STON2: variants seen among roughly 807,000 people sequenced by gnomAD.
STON2 encodes the protein stonin 2.
STON2 carries 29 observed loss-of-function variants against 65.7 expected under a neutral mutation model. The observed-to-expected ratio is 0.44, with a 90% CI of 0.33 to 0.60. The LOEUF (loss-of-function observed/expected upper bound fraction) is 0.60, where lower values mean the gene tolerates loss of function less well. STON2 is among the 20% of genes least tolerant of loss of function. The probability of loss-of-function intolerance (pLI) is 0.03; values close to 1 mark genes in which losing one functional copy is unlikely to be tolerated. For missense variants in STON2, 1,054 were observed against 1,118.1 expected, an observed-to-expected ratio of 0.94 and a Z score of 0.82; for synonymous variants, 404 against 414.2, an observed-to-expected ratio of 0.98 and a Z score of 0.30.
At chr14:81,402,374 T>G (rs1900651210), upstream of STON2, among the ~76,000 whole-genome samples, 1 of 152,206 alleles carries the variant, frequency 6.6e-6, no homozygotes, top group Non-Finnish European at 1.5e-5. Context: ...CTCAAGCAGC[T>G]GTCAACTGCA....
At chr14:81,400,965 T>C (rs1900583808), upstream of STON2, among the ~76,000 whole-genome samples, 1 of 152,158 alleles carries the variant, frequency 6.6e-6, no homozygotes, top group Non-Finnish European at 1.5e-5. Context: ...ACGATGACAA[T>C]GAAAACAGCA....
chr14:81,407,841 G>C (rs1271124320), intron 2 of STON2, among the ~76,000 whole-genome samples: 1 of 152,180 alleles, frequency 6.6e-6, no homozygotes, highest in Non-Finnish European at 1.5e-5. Context: ...TATGCACTCA[G>C]AATTGTGCAT....
At chr14:81,335,548 G>T (rs145326671) in intron 4 of STON2, among the ~76,000 whole-genome samples, 3 of 152,088 alleles carry the variant, frequency 2.0e-5, no homozygotes, top group African/African-American at 7.2e-5. Flanking sequence ...AGACATAGCT[G>T]GACTGTCAGA....
At chr14:81,323,961 G>A (rs898526973) in intron 5 of STON2, among the ~76,000 whole-genome samples, 56 bp downstream of exon 5, 2 of 151,950 alleles carry the variant, frequency 1.3e-5, no homozygotes, top group African/African-American at 4.8e-5. Flanking sequence ...AAAAAGAAAA[G>A]CCAACACCAA....
intron 4 of STON2, among the ~76,000 whole-genome samples, chr14:81,325,221 T>C (rs1004864491): frequency 1.3e-5 from 2 of 152,216 alleles, no homozygotes; most frequent in East Asian, 3.9e-4. Flanking sequence ...TGATATGCCA[T>C]GAAATGTAAT....
At position 81,324,152 on chromosome 14, in the gene STON2, C is replaced by A. The variant is rs1261065407; in HGVS notation, c.607G>T (p.Ala203Ser). Among the ~76,000 whole-genome samples the A allele has an allele frequency of 6.6e-6, 1 of 152,130 alleles. No individual in the cohort carries two copies. Among genetic ancestry groups the A allele is most frequent in the East Asian group, 1.9e-4 (1 of 5,182 alleles). ...GAGCATGCTTGAACAGGACTCACTG[C>A]CGTCTGCCTGCCTGTCTGCCACTCC... ...RTEWQTGRQT[A>S]VSPVQACSEH... Residue 203 changes from alanine to serine, a missense_variant, in exon 5 of 8, where the codon GCA becomes TCA. Transcript: ENST00000614646.
chr14:81,398,306 G>C lies in STON2; in HGVS notation c.77C>G (p.Ala26Gly). Residue 26 changes from alanine to glycine, a missense_variant, in exon 2 of 8, where the codon GCC becomes GGC. Physicochemically the swap from Ala to Gly is moderately conservative, Grantham distance 60. Coordinates refer to ENST00000614646, the MANE Select transcript of STON2 (RefSeq NM_001394390.1). Reference protein sequence around the residue: ...VSFNEEPPFPAHSQGGTEEHL... With the variant: ...VSFNEEPPFPGHSQGGTEEHL... ...AAGGCACTCCTTACCCTGCGAGTGG[G>C]CAGGAAAGGGTGGCTCTTCATTGAA... The C allele has an allele frequency of 2.5e-6, 4 of 1,613,048 alleles. No individual in the cohort carries two copies. Among genetic ancestry groups the C allele is most frequent in the Non-Finnish European group, 3.4e-6 (4 of 1,179,210 alleles).
Position 81,371,104 on chromosome 14 carries a change from C to T in STON2, c.455G>A (p.Trp152Ter). 6.2e-7 allele frequency: 1 copy of T among 1,614,046 alleles called. No homozygotes were observed. The highest frequency in any genetic ancestry group is 8.5e-7 in the Non-Finnish European group (1 of 1,179,998). Reference protein sequence around the residue: ...GRCPLTSESSWTTHSEDTSSP... With the variant: ...GRCPLTSESS ...GCTGGTGTCTTCAGAATGGGTGGTC[C>T]AGCTGCTCTCAGAAGTCAGAGGGCA... Residue 152 changes from tryptophan (W) to a stop codon, truncating the protein, a stop_gained, in exon 4 of 8, where the codon TGG (tryptophan) becomes TAG (stop). Transcript: ENST00000614646. LOFTEE classifies it high-confidence loss of function.
intron 1 of STON2, among the ~76,000 whole-genome samples, chr14:81,432,924 T>C (rs555713708): frequency 6.6e-6 from 1 of 152,314 alleles, no homozygotes; most frequent in African/African-American, 2.4e-5. Context: ...CACATCTTAA[T>C]GTCTCCCCTT....
chr14:81,352,488 A>G (rs966749606), intron 4 of STON2, among the ~76,000 whole-genome samples: 2 of 152,126 alleles, frequency 1.3e-5, no homozygotes, highest in African/African-American at 4.8e-5. Flanking sequence ...TCTAGTTTGA[A>G]TCACCTGACT....
At chr14:81,353,310 G>A (rs1898096091) in intron 4 of STON2, among the ~76,000 whole-genome samples, 1 of 152,108 alleles carries the variant, frequency 6.6e-6, no homozygotes, top group Admixed American at 6.5e-5. Context: ...CTTAAGCCTA[G>A]GTAATTGGAG....
chr14:81,331,176 T>TA lies in STON2; in HGVS notation c.572-6990dup, dbSNP rs1390305471. On this transcript the variant is annotated intron_variant, in intron 4 of 7. Coordinates refer to ENST00000614646, the MANE Select transcript of STON2 (RefSeq NM_001394390.1). ...AATTCAAGCTTTTCTCTTTCTAAGA[T>TA]AAAAAACCAGCCTTTCTCAGTGACT... is the stretch of plus-strand genomic sequence containing the variant. 9.8e-5 allele frequency among the ~76,000 whole-genome samples: 15 copies of TA among 152,314 alleles called. No homozygotes were observed. In the East Asian group the frequency reaches 2.5e-3, roughly 25 times the overall value.
intron 2 of STON2, among the ~76,000 whole-genome samples, chr14:81,408,132 G>C (rs1274079883): frequency 7.5e-6 from 1 of 133,008 alleles, no homozygotes; most frequent in Non-Finnish European, 1.5e-5. Context: ...AGAGTTCACT[G>C]AAGAACACAC....
intron 4 of STON2, among the ~76,000 whole-genome samples, chr14:81,327,371 G>C (rs1897038643): frequency 6.6e-6 from 1 of 151,936 alleles, no homozygotes; most frequent in African/African-American, 2.4e-5. Context: ...TTCTTTGCCA[G>C]AAAATGTCCC....
intron 7 of STON2, among the ~76,000 whole-genome samples, chr14:81,268,913 T>C (rs1458290621): frequency 1.3e-5 from 2 of 152,226 alleles, no homozygotes; most frequent in African/African-American, 4.8e-5. Flanking sequence ...TTTTATGCAA[T>C]AATGTAGGAA....
intron 6 of STON2, among the ~76,000 whole-genome samples, chr14:81,273,654 G>A (rs1894689259): frequency 6.6e-6 from 1 of 152,146 alleles, no homozygotes; most frequent in Non-Finnish European, 1.5e-5. Flanking sequence ...CCGCCGGCGG[G>A]AGTCACGTTG....
chr14:81,413,918 G>T (rs959726549), intron 2 of STON2, among the ~76,000 whole-genome samples: 1 of 139,888 alleles, frequency 7.1e-6, no homozygotes, highest in East Asian at 2.5e-4. Flanking sequence ...CTTTCTTACT[G>T]TTTTAATTTA....
chr14:81,266,617 T>A lies in STON2; in HGVS notation c.*1797A>T, dbSNP rs1894366552. The A allele has an allele frequency of 1.1e-6, 1 of 946,470 alleles. No homozygotes were observed. The highest frequency in any genetic ancestry group is 6.2e-5 in the Admixed American group (1 of 16,208). The allele number at this position is 946,470 out of a possible 1,614,324, so 58.6% of individuals were successfully genotyped here. On this transcript the variant is annotated 3_prime_UTR_variant, in exon 8 of 8. Coordinates refer to ENST00000614646, the MANE Select transcript of STON2 (RefSeq NM_001394390.1). ...ACCCATAATTGAACTCAACCCTCCATTTAGATATGGACTAGATGGAGGGTT... is the reference window on the plus strand; with the variant it reads ...ACCCATAATTGAACTCAACCCTCCAATTAGATATGGACTAGATGGAGGGTT...
chr14:81,434,617 G>GA (rs1902342615), intron 1 of STON2, among the ~76,000 whole-genome samples: 1 of 152,170 alleles, frequency 6.6e-6, no homozygotes, highest in South Asian at 2.1e-4. Flanking sequence ...GGGATAGGGG[G>GA]TAGTATGGTG....
Sources: gnomAD v4.1 joint callset for allele counts (sites outside exome capture counted in the v4.1 genomes callset) on GRCh38, gnomAD v4.1.1 for gene constraint, MANE v1.5 for transcripts, NCBI Gene and HGNC (gene_info 2026-07-23, HGNC 2026-07-21) for gene names.